STK3: variants seen among roughly 807,000 people sequenced by gnomAD.
STK3 encodes serine/threonine kinase 3, also known as serine/threonine-protein kinase 3.
In STK3, 41 loss-of-function variants were observed where a neutral mutation model predicts 58.0. That is an observed-to-expected ratio of 0.71 (90% CI 0.55 to 0.92). The LOEUF (loss-of-function observed/expected upper bound fraction) is 0.92. Among genes scored for constraint, STK3 ranks in the 40% least tolerant of loss-of-function variants. STK3 has a pLI of 0.00. For missense variants in STK3, 479 were observed against 602.7 expected (o/e 0.79, Z 2.15); for synonymous variants, 170 against 191.0 (o/e 0.89, Z 0.91).
chr8:98,898,402 C>G (rs1271447820), intron 1 of STK3, among the ~76,000 whole-genome samples: 1 of 152,178 alleles, frequency 6.6e-6, no homozygotes, highest in Admixed American at 6.5e-5. Flanking sequence ...CTGGTCTAAT[C>G]AGCTAGGGCC....
At chr8:98,634,139 C>T (rs1442507008) in intron 6 of STK3, among the ~76,000 whole-genome samples, 1 of 152,028 alleles carries the variant, frequency 6.6e-6, no homozygotes, top group Non-Finnish European at 1.5e-5. Flanking sequence ...AGCACAGTGG[C>T]AGTGGAGCTG....
At chr8:98,406,210 A>G (rs188564077) in intron 3 of STK3, among the ~76,000 whole-genome samples, 5 of 152,104 alleles carry the variant, frequency 3.3e-5, no homozygotes, top group African/African-American at 4.8e-5. Context: ...AGGCTTACTT[A>G]TCTTCCCCCC....
At chr8:98,893,476 A>AAGAAAG (rs1838305019) in intron 1 of STK3, among the ~76,000 whole-genome samples, 1 of 69,714 alleles carries the variant, frequency 1.4e-5, no homozygotes, top group African/African-American at 6.8e-5. Flanking sequence ...GAAAGAAAGA[A>AAGAAAG]AGAAAGAAAG....
chr8:98,471,063 C>T (rs1487974566), intron 10 of STK3, among the ~76,000 whole-genome samples: 1 of 152,158 alleles, frequency 6.6e-6, no homozygotes, highest in Non-Finnish European at 1.5e-5. Context: ...GCTTGACTGG[C>T]TCAGAGAGTT....
intron 9 of STK3, among the ~76,000 whole-genome samples, chr8:98,541,714 T>A (rs187794065): frequency 1.5e-3 from 225 of 152,336 alleles, no homozygotes; most frequent in Middle Eastern, 6.8e-3. Flanking sequence ...ACATAGTGTC[T>A]ACAAGGGTAT....
intron 6 of STK3, among the ~76,000 whole-genome samples, chr8:98,631,555 T>G (rs1393431859): frequency 1.3e-5 from 2 of 152,232 alleles, no homozygotes; most frequent in African/African-American, 4.8e-5. Context: ...AGGCCTTTCT[T>G]GACCATCCTA....
rs141419281 is a variant in STK3, at chr8:98,807,730, A to C, written c.26+17785T>G. Among the ~76,000 whole-genome samples, 64 of 152,356 alleles carry C rather than the reference A, an allele frequency of 4.2e-4. No individual in the cohort carries two copies. In the East Asian group the frequency reaches 0.012, roughly 27 times the overall value. ...AATAAATAAAGGAGGAAAAGATAGA[A>C]AATGCAAAGTCACTGTCAATTATGC... On this transcript the variant is annotated intron_variant, in intron 1 of 10. Transcript: ENST00000419617.
intron 10 of STK3, among the ~76,000 whole-genome samples, chr8:98,472,617 AATG>A (rs1329222060): frequency 3.9e-5 from 6 of 152,198 alleles, no homozygotes; most frequent in Admixed American, 6.5e-5. Flanking sequence ...TGAGGCTTAC[AATG>A]ATAAGTCATT....
chr8:98,501,570 TTAAC>T (rs1823600179), intron 10 of STK3, among the ~76,000 whole-genome samples: 1 of 152,258 alleles, frequency 6.6e-6, no homozygotes, highest in Non-Finnish European at 1.5e-5. Flanking sequence ...CCATCTTGAA[TTAAC>T]TTTTGTATAA....
chr8:98,454,474 T>C (rs1819350311), downstream of STK3, among the ~76,000 whole-genome samples: 1 of 152,150 alleles, frequency 6.6e-6, no homozygotes, highest in Admixed American at 6.5e-5. Flanking sequence ...GGGGTGGGCC[T>C]GGAGCAAGAG....
intron 1 of STK3, among the ~76,000 whole-genome samples, chr8:98,387,022 AGG>A (rs1563589625): frequency 1.3e-5 from 2 of 152,250 alleles, no homozygotes; most frequent in Non-Finnish European, 2.9e-5. Flanking sequence ...AAAATTAATT[AGG>A]AAAATGCAAT....
chr8:98,691,846 C>T (rs201076735), intron 6 of STK3, among the ~76,000 whole-genome samples: 2 of 151,262 alleles, frequency 1.3e-5, no homozygotes, highest in South Asian at 2.1e-4. Context: ...GCAGGAGAAT[C>T]GCTTGAACCT....
chr8:98,418,467 G>A (rs772513837), intron 3 of STK3, among the ~76,000 whole-genome samples: 1 of 152,248 alleles, frequency 6.6e-6, no homozygotes, highest in Non-Finnish European at 1.5e-5. Flanking sequence ...GGATAGGTAC[G>A]TGGGTGGATG....
intron 7 of STK3, among the ~76,000 whole-genome samples, chr8:98,592,144 A>G (rs1356530087): frequency 6.6e-6 from 1 of 152,136 alleles, no homozygotes; most frequent in African/African-American, 2.4e-5. Flanking sequence ...TCTTGTTTAC[A>G]TATGTAAGTA....
At chr8:98,697,264 C>G in intron 6 of STK3, among the ~76,000 whole-genome samples, 1 of 152,088 alleles carries the variant, frequency 6.6e-6, no homozygotes, top group East Asian at 1.9e-4. Flanking sequence ...CTTTATTAGT[C>G]TTGCTAGCGG....
At chr8:98,360,145 ACCTGGGGGTTCCCCTTTCAT>A in the STK3 span, among the ~76,000 whole-genome samples, 2 of 152,158 alleles carry the variant, frequency 1.3e-5, no homozygotes, top group Admixed American at 1.3e-4. Flanking sequence ...CTTTGCAAAT[ACCTGGGGGTTCCCCTTTCAT>A]CCTTTTCTCC....
intron 6 of STK3, among the ~76,000 whole-genome samples, chr8:98,623,325 C>T (rs1049686982): frequency 6.6e-6 from 1 of 152,144 alleles, no homozygotes; most frequent in Non-Finnish European, 1.5e-5. Context: ...ACCACCACTA[C>T]CAAATTTTAT....
intron 1 of STK3, among the ~76,000 whole-genome samples, chr8:98,813,139 CA>C (rs1834334809): frequency 6.6e-6 from 1 of 152,004 alleles, no homozygotes; most frequent in Non-Finnish European, 1.5e-5. Flanking sequence ...AAATGCTTTA[CA>C]ATCAATATTT....
At position 98,630,640 on chromosome 8, in the gene STK3, A is replaced by AAGAAGGAGAAGG. The variant is rs145562039; in HGVS notation, c.685-34483_685-34472dup. ...CCTGGGTGACAGAGAGGAACAGAAG[A>AAGAAGGAGAAGG]AGAAGGAGAAGGAGAAGGAGAAGGA... is the stretch of plus-strand genomic sequence containing the variant. On this transcript the variant is annotated intron_variant, in intron 6 of 10. Coordinates refer to ENST00000419617, the MANE Select transcript of STK3 (RefSeq NM_006281.4). Among the ~76,000 whole-genome samples the AAGAAGGAGAAGG allele has an allele frequency of 7.8e-4, 117 of 150,146 alleles. 1 individual carries two copies. The highest frequency in any genetic ancestry group is 2.8e-3 in the African/African-American group (113 of 40,280).
Sources: gnomAD v4.1 joint callset for allele counts (sites outside exome capture counted in the v4.1 genomes callset) on GRCh38, gnomAD v4.1.1 for gene constraint, MANE v1.5 for transcripts, NCBI Gene and HGNC (gene_info 2026-07-23, HGNC 2026-07-21) for gene names.